Variants in ZNF532 observed in about 807,000 individuals in gnomAD.
ZNF532 encodes the protein zinc finger protein 532.
In ZNF532, 22 loss-of-function variants were observed where a neutral mutation model predicts 89.3. The observed-to-expected ratio is 0.25, with a 90% CI of 0.18 to 0.35. ZNF532 has a LOEUF of 0.35. Among genes scored for constraint, ZNF532 ranks in the 10% least tolerant of loss-of-function variants. ZNF532 has a pLI of 1.00. For synonymous variants in ZNF532, 606 were observed against 649.6 expected (o/e 0.93, Z 1.02); for missense variants, 1,132 against 1,643.4 (o/e 0.69, Z 5.38).
At chr18:58,982,429 T>C (rs940362625) in intron 9 of ZNF532, among the ~76,000 whole-genome samples, 6 of 152,050 alleles carry the variant, frequency 3.9e-5, no homozygotes, top group African/African-American at 1.4e-4. Context: ...GAGACCAGCC[T>C]GGCCAACGTG....
chr18:58,951,646 G>GT (rs3039758), intron 6 of ZNF532, among the ~76,000 whole-genome samples: 28,555 of 72,460 alleles, frequency 0.39, 4,524 homozygotes, highest in Non-Finnish European at 0.43. Context: ...TCGCCCTGTT[G>GT]TTTTTTTTTT....
In ZNF532 at chr18:58,951,646, G is replaced by GTTTTTTTTTTTTGT. The variant is rs1568405970; in HGVS notation, c.2869-1860_2869-1859insGTTTTTTTTTTTTT. ...CAATCACCTCAGCCCTCGCCCTGTT[G>GTTTTTTTTTTTTGT]TTTTTTTTTTTTTTTTTTTTTGAGA... On this transcript the variant is annotated intron_variant, in intron 6 of 9. Transcript: ENST00000591808. 1.5e-4 allele frequency among the ~76,000 whole-genome samples: 11 copies of GTTTTTTTTTTTTGT among 72,582 alleles called. 2 individuals are homozygous for GTTTTTTTTTTTTGT. Among genetic ancestry groups the GTTTTTTTTTTTTGT allele is most frequent in the Non-Finnish European group, 2.4e-4 (10 of 42,466 alleles). 47.6% of individuals were successfully genotyped at this position (72,582 alleles called of 152,430 possible).
At chr18:58,935,529 T>G (rs913781522) in intron 4 of ZNF532, among the ~76,000 whole-genome samples, 1 of 103,602 alleles carries the variant, frequency 9.7e-6, no homozygotes, top group African/African-American at 3.9e-5. Flanking sequence ...TCGAGTTCTC[T>G]CATTCCTCCC....
intron 2 of ZNF532, among the ~76,000 whole-genome samples, chr18:58,888,482 C>T (rs553088006): frequency 6.6e-6 from 1 of 151,052 alleles, no homozygotes; most frequent in Admixed American, 6.6e-5. Flanking sequence ...TCAAGAGCAG[C>T]CTGGCCAACA....
intron 2 of ZNF532, among the ~76,000 whole-genome samples, chr18:58,888,896 T>TA (rs1210012663): frequency 4.6e-5 from 3 of 64,600 alleles, no homozygotes; most frequent in African/African-American, 2.1e-4. Context: ...ATATTTTATA[T>TA]ATATATATAT....
intron 7 of ZNF532, chr18:58,964,241 C>T (rs1300572210): frequency 6.6e-6 from 1 of 152,096 alleles, no homozygotes; most frequent in Non-Finnish European, 1.5e-5. Context: ...ATCCTGTTAC[C>T]CTAGCAACAG....
chr18:58,919,018 T>C lies in ZNF532; in HGVS notation c.731T>C (p.Leu244Pro), dbSNP rs576606728. The C allele has an allele frequency of 3.1e-6, 5 of 1,613,634 alleles. No individual in the cohort carries two copies. Among genetic ancestry groups the C allele is most frequent in the Admixed American group, 3.3e-5 (2 of 60,028 alleles). Residue 244 changes from leucine (L) to proline (P), a missense_variant, in exon 3 of 10, where the codon CTG becomes CCG. This residue lies in a region of ZNF532 where 302 missense variants were observed against 319.8 expected (regional missense o/e 0.94). Coordinates refer to ENST00000591808, the MANE Select transcript of ZNF532 (RefSeq NM_001375912.1). This position sits in a 1 kb window ranked among gnomAD's most constrained non-coding sequence, Gnocchi z 6.1. ...VLENRVLDGK[L>P]SSEKNDTSLP... ...GAAAACAGAGTCCTAGATGGGAAGCTGAGCTCCGAGAAGAATGACACCAGC... is the reference window on the plus strand; with the variant it reads ...GAAAACAGAGTCCTAGATGGGAAGCCGAGCTCCGAGAAGAATGACACCAGC...
chr18:58,951,736 G>A (rs141095291), intron 6 of ZNF532, among the ~76,000 whole-genome samples: 113 of 136,676 alleles, frequency 8.3e-4, no homozygotes, highest in Admixed American at 2.0e-3. Flanking sequence ...TGCAAGCTCC[G>A]CCTCCCGGGT....
At chr18:58,875,084 A>G (rs1224692612) in intron 2 of ZNF532, among the ~76,000 whole-genome samples, 2 of 152,072 alleles carry the variant, frequency 1.3e-5, no homozygotes, top group Admixed American at 6.6e-5. Context: ...AAAAAACAGA[A>G]TATCTTGTTT....
In ZNF532 at chr18:58,918,680, G is replaced by T; in HGVS notation, c.393G>T (p.Pro131=). The part of the protein sequence containing the change: ...LKDSTFSQFS[P]ISSAEEFDDD... ...ACTCGACATTCAGCCAGTTTAGCCC[G>T]ATCTCCAGTGCTGAAGAGTTTGATG... The change falls in exon 3 of 10, where the codon CCG becomes CCT. Residue 131 remains proline (P), a synonymous_variant. Transcript: ENST00000591808. The T allele has an allele frequency of 3.1e-6, 5 of 1,614,158 alleles. No individual in the cohort carries two copies. Among genetic ancestry groups the T allele is most frequent in the Non-Finnish European group, 3.4e-6 (4 of 1,180,034 alleles).
chr18:58,923,114 A>G (rs570957482), intron 3 of ZNF532, among the ~76,000 whole-genome samples: 1 of 152,146 alleles, frequency 6.6e-6, no homozygotes, highest in East Asian at 1.9e-4. Flanking sequence ...TAACTCTCAG[A>G]CCAGATACAC....
rs980515358 is a variant in ZNF532 at position 58,927,684 on chromosome 18, T to C, written c.2347-6749T>C. Reference sequence around the variant, plus strand: ...GGAAGAATAGGGAAAGTTACTCTTATTCCATTTTCCTCAAAGTGGACGTTT... The same window carrying C: ...GGAAGAATAGGGAAAGTTACTCTTACTCCATTTTCCTCAAAGTGGACGTTT... On this transcript the variant is annotated intron_variant, in intron 3 of 9. Coordinates refer to ENST00000591808, the MANE Select transcript of ZNF532 (RefSeq NM_001375912.1). Among the ~76,000 whole-genome samples the C allele has an allele frequency of 1.2e-4, 18 of 152,286 alleles. No individual in the cohort carries two copies. In the South Asian group the frequency reaches 1.7e-3, roughly 14 times the overall value.
rs2060819406 is a variant in ZNF532 at position 58,919,033 on chromosome 18, A to G, written c.746A>G (p.Asn249Ser). 6.2e-7 allele frequency: 1 copy of G among 1,613,892 alleles called. No individual in the cohort carries two copies. The highest frequency in any genetic ancestry group is 8.5e-7 in the Non-Finnish European group (1 of 1,180,024). Reference protein sequence around the residue: ...VLDGKLSSEKNDTSLPSVAPS... With the variant: ...VLDGKLSSEKSDTSLPSVAPS... The stretch of plus-strand genomic sequence containing the variant: ...GATGGGAAGCTGAGCTCCGAGAAGA[A>G]TGACACCAGCCTCCCCAGCGTTGCG... Residue 249 changes from asparagine (N) to serine (S), a missense_variant, in exon 3 of 10, where the codon AAT (asparagine) becomes AGT (serine). This residue lies in a region of ZNF532 where 302 missense variants were observed against 319.8 expected (regional missense o/e 0.94). Coordinates refer to ENST00000591808, the MANE Select transcript of ZNF532 (RefSeq NM_001375912.1). The surrounding 1 kb of genome is among the most constrained non-coding windows in gnomAD (Gnocchi z 6.1).
At chr18:58,968,477 C>G (rs984138522) in intron 7 of ZNF532, among the ~76,000 whole-genome samples, 8 of 152,292 alleles carry the variant, frequency 5.3e-5, no homozygotes, top group African/African-American at 1.9e-4. Flanking sequence ...CATGGTGCTC[C>G]CATACCTGGA....
intron 7 of ZNF532, among the ~76,000 whole-genome samples, chr18:58,959,253 G>GT (rs201150500): frequency 0.046 from 5,497 of 118,452 alleles, 200 homozygotes; most frequent in East Asian, 0.18. Flanking sequence ...TCAGTTTTTT[G>GT]TTTTTTGTTT....
In ZNF532 at chr18:58,969,974, T is replaced by C. The variant is rs928074525; in HGVS notation, c.3151-9081T>C. On this transcript the variant is annotated intron_variant, in intron 7 of 9. Coordinates refer to ENST00000591808, the MANE Select transcript of ZNF532 (RefSeq NM_001375912.1). ...ATCTCAGCTCACTGCAACCTCCCAC[T>C]CTGGGTTCAAGCGATTCTCCTGCCT... Among the ~76,000 whole-genome samples the C allele has an allele frequency of 8.0e-5, 11 of 138,220 alleles. No homozygotes were observed. In the South Asian group the frequency reaches 2.3e-3, roughly 29 times the overall value. 90.7% of individuals were successfully genotyped at this position (138,220 alleles called of 152,430 possible).
chr18:58,944,072 T>A (rs2063447959), intron 5 of ZNF532, among the ~76,000 whole-genome samples: 1 of 152,168 alleles, frequency 6.6e-6, no homozygotes, highest in Non-Finnish European at 1.5e-5. Context: ...AGTCCTGGTG[T>A]CCCATCTGTG....
intron 7 of ZNF532, among the ~76,000 whole-genome samples, chr18:58,964,776 T>C (rs899374753): frequency 2.0e-5 from 3 of 151,798 alleles, no homozygotes; most frequent in African/African-American, 7.3e-5. Flanking sequence ...TTCATTTTTT[T>C]GTAGGGAGTT....
chr18:58,960,617 A>G (rs1299938327), intron 7 of ZNF532, among the ~76,000 whole-genome samples: 1 of 152,216 alleles, frequency 6.6e-6, no homozygotes, highest in Non-Finnish European at 1.5e-5. Flanking sequence ...TTCTTTACAG[A>G]GGGACCAGTT....
Sources: gnomAD v4.1 joint callset for allele counts (sites outside exome capture counted in the v4.1 genomes callset) on GRCh38, gnomAD v4.1.1 for gene constraint, gnomAD v4.1.1 regional missense constraint, Gnocchi (gnomAD v3.1) non-coding constraint, MANE v1.5 for transcripts, NCBI Gene and HGNC (gene_info 2026-07-23, HGNC 2026-07-21) for gene names.